RAD51B: variants seen among roughly 807,000 people sequenced by gnomAD.
RAD51B encodes DNA repair protein RAD51 homolog 2.
Under a neutral mutation model 42.2 loss-of-function variants are expected in RAD51B, and 38 were observed. That is an observed-to-expected ratio of 0.90 (90% confidence interval 0.70 to 1.18). The LOEUF (loss-of-function observed/expected upper bound fraction) is 1.18, where lower values mean the gene tolerates loss of function less well. Among genes scored for constraint, RAD51B ranks in the 50% most tolerant of loss-of-function variants. The pLI is 0.00. For missense variants in RAD51B, 373 were observed against 400.7 expected (o/e 0.93, Z 0.59); for synonymous variants, 154 against 145.2 (o/e 1.06, Z -0.43).
chr14:68,591,653 T>G (rs1458158320), intron 10 of RAD51B, among the ~76,000 whole-genome samples: 2 of 151,974 alleles, frequency 1.3e-5, no homozygotes, highest in African/African-American at 4.8e-5. Context: ...GGGAGTTGCT[T>G]CTTTTCATTT....
chr14:68,055,084 C>T (rs762385736), intron 7 of RAD51B, among the ~76,000 whole-genome samples: 9 of 151,990 alleles, frequency 5.9e-5, no homozygotes, highest in Admixed American at 2.0e-4. Context: ...TATAATAATC[C>T]CCCTTAACAA....
intron 8 of RAD51B, among the ~76,000 whole-genome samples, chr14:68,324,688 C>G (rs2082217563): frequency 1.3e-5 from 2 of 152,000 alleles, no homozygotes; most frequent in Non-Finnish European, 2.9e-5. Context: ...TATTTTTTCA[C>G]CTAGTTCCTT....
At chr14:68,133,733 A>G (rs1934497582) in intron 7 of RAD51B, among the ~76,000 whole-genome samples, 2 of 152,130 alleles carry the variant, frequency 1.3e-5, no homozygotes, top group Non-Finnish European at 1.5e-5. Flanking sequence ...TAGCCTCCCA[A>G]AGTGCTGGGA....
At chr14:68,651,071 T>C (rs1003071751) in intron 11 of RAD51B, among the ~76,000 whole-genome samples, 11 of 152,340 alleles carry the variant, frequency 7.2e-5, no homozygotes, top group Non-Finnish European at 1.3e-4. Context: ...AGAACAGAAA[T>C]GTGAAATTAA....
At chr14:67,926,558 C>CTTTTTTT (rs534207569) in intron 7 of RAD51B, among the ~76,000 whole-genome samples, 29 of 85,126 alleles carry the variant, frequency 3.4e-4, no homozygotes, top group Non-Finnish European at 4.2e-4. Context: ...GATATGTTTC[C>CTTTTTTT]TTTTTTTTTT....
chr14:68,547,216 ATCT>A (rs1472860768), intron 10 of RAD51B, among the ~76,000 whole-genome samples: 1 of 152,306 alleles, frequency 6.6e-6, no homozygotes, highest in South Asian at 2.1e-4. Context: ...CAGAGGAGAC[ATCT>A]TCTTCTGGGG....
At chr14:68,558,071 G>A (rs530193211) in intron 10 of RAD51B, among the ~76,000 whole-genome samples, 111 of 152,306 alleles carry the variant, frequency 7.3e-4, no homozygotes, top group African/African-American at 2.6e-3. Flanking sequence ...GAGCTCAAAG[G>A]CTGTGCTGTT....
rs372731451 is a variant in RAD51B, at chr14:68,423,529, C to A, written c.957+12002C>A. 2.5e-4 allele frequency among the ~76,000 whole-genome samples: 38 copies of A among 152,302 alleles called. No individual in the cohort carries two copies. The East Asian group carries it at 2.5e-3, about 10-fold the overall frequency. On this transcript the variant is annotated intron_variant, in intron 9 of 10. Transcript: ENST00000471583. ...GGAGTTTGAAAATTTTGCTCTAAAT[C>A]ACATGGTTCTAAGGGGCAAAGCCAG...
Position 68,407,567 on chromosome 14 carries a change from A to G in RAD51B, c.854-3857A>G, listed in dbSNP as rs577459361. Among the ~76,000 whole-genome samples the G allele has an allele frequency of 2.0e-5, 3 of 152,362 alleles. No homozygotes were observed. The South Asian group carries it at 6.2e-4, about 32-fold the overall frequency. On this transcript the variant is annotated intron_variant, in intron 8 of 10. Transcript: ENST00000471583. ...CATATTTGCAGTCTGTCATTTGCTG[A>G]AACATCATTGTGCAGAGCACGACTC...
intron 8 of RAD51B, among the ~76,000 whole-genome samples, chr14:68,350,179 T>G (rs974829423): frequency 6.6e-6 from 1 of 152,222 alleles, no homozygotes; most frequent in Middle Eastern, 3.2e-3. Flanking sequence ...TTCCGTTTGT[T>G]ATGTCTGAGC....
Position 68,237,732 on chromosome 14 carries a change from C to G in RAD51B, c.757-54152C>G, listed in dbSNP as rs1486419185. 5.4e-5 allele frequency among the ~76,000 whole-genome samples: 4 copies of G among 74,098 alleles called. No individual in the cohort carries two copies. In the East Asian group the frequency reaches 1.2e-3, roughly 22 times the overall value. 48.6% of individuals were successfully genotyped at this position (74,098 alleles called of 152,430 possible). ...TACATGGACATGTGTTTTCATTTCT[C>G]TTTTTTTTTTTTTTTTTTTTTTGAG... is the stretch of plus-strand genomic sequence containing the variant. On this transcript the variant is annotated intron_variant, in intron 7 of 10. Coordinates refer to ENST00000471583, the MANE Select transcript of RAD51B (RefSeq NM_133510.4).
At chr14:68,134,211 T>C (rs763235807) in intron 7 of RAD51B, among the ~76,000 whole-genome samples, 3 of 152,244 alleles carry the variant, frequency 2.0e-5, no homozygotes, top group Non-Finnish European at 4.4e-5. Flanking sequence ...ATACAGTATG[T>C]AGCCTTTTGT....
At chr14:68,384,832 G>T (rs904285721) in intron 8 of RAD51B, among the ~76,000 whole-genome samples, 5 of 152,122 alleles carry the variant, frequency 3.3e-5, no homozygotes, top group African/African-American at 1.2e-4. Flanking sequence ...AGAACCAGAG[G>T]TATCTCACCA....
rs192850404 is a variant in RAD51B at position 67,862,516 on chromosome 14, G to A, written c.316-2487G>A. ...TCGTCTGCAAGAACAATCAATTGAC[G>A]TGAAGGAAGATCAATAAAAACTTTT... is the stretch of plus-strand genomic sequence containing the variant. On this transcript the variant is annotated intron_variant, in intron 4 of 10. Transcript: ENST00000471583. Among the ~76,000 whole-genome samples the A allele has an allele frequency of 8.5e-4, 129 of 152,100 alleles. 4 individuals are homozygous for A. The South Asian group carries it at 0.019, about 22-fold the overall frequency.
At chr14:68,537,772 T>C (rs985138445) in intron 10 of RAD51B, among the ~76,000 whole-genome samples, 12 of 152,240 alleles carry the variant, frequency 7.9e-5, no homozygotes, top group Non-Finnish European at 1.6e-4. Context: ...TATGGCAGTT[T>C]TTTTTTCTTA....
At chr14:68,114,665 G>A (rs1412922904) in intron 7 of RAD51B, among the ~76,000 whole-genome samples, 1 of 152,090 alleles carries the variant, frequency 6.6e-6, no homozygotes, top group Non-Finnish European at 1.5e-5. Context: ...TGGGTTTAAT[G>A]TACAAATAGA....
intron 4 of RAD51B, among the ~76,000 whole-genome samples, chr14:67,838,048 G>T (rs2041305659): frequency 6.6e-6 from 1 of 152,142 alleles, no homozygotes; most frequent in Admixed American, 6.5e-5. Flanking sequence ...TGCAAGGTTT[G>T]TCTTTCTGTG....
chr14:68,205,581 G>C (rs188051931), intron 7 of RAD51B, among the ~76,000 whole-genome samples: 1 of 151,752 alleles, frequency 6.6e-6, no homozygotes, highest in African/African-American at 2.4e-5. Flanking sequence ...GGCTTTTTTG[G>C]TTGTTTTTTG....
At chr14:68,504,648 C>CT (rs1180669162) in intron 10 of RAD51B, among the ~76,000 whole-genome samples, 4 of 114,394 alleles carry the variant, frequency 3.5e-5, no homozygotes, top group East Asian at 4.4e-4. Flanking sequence ...AGGAGTAATC[C>CT]TTTTTTTTTC....
Sources: allele counts gnomAD v4.1 joint callset (sites outside exome capture counted in the v4.1 genomes callset), GRCh38; gene constraint gnomAD v4.1.1; transcripts MANE v1.5; gene names NCBI Gene and HGNC (gene_info 2026-07-23, HGNC 2026-07-21).